KLC1: variants seen among roughly 807,000 people sequenced by gnomAD.
The protein encoded by KLC1 is kinesin 2 60/70kDa.
KLC1 carries 30 observed loss-of-function variants against 84.2 expected under a neutral mutation model. That is an observed-to-expected ratio of 0.36 (90% CI 0.27 to 0.48). KLC1 has a LOEUF of 0.48. Ranked by LOEUF, KLC1 falls within the 20% of genes least tolerant of loss-of-function variation. The probability of loss-of-function intolerance (pLI) is 0.99; values close to 1 mark genes in which losing one functional copy is unlikely to be tolerated. For missense variants in KLC1, 499 were observed against 805.4 expected, an observed-to-expected ratio of 0.62 and a Z score of 4.60; for synonymous variants, 289 against 293.3, an observed-to-expected ratio of 0.99 and a Z score of 0.15.
At position 103,676,274 on chromosome 14, in the gene KLC1, A is replaced by AT. The variant is rs545812311; in HGVS notation, c.1379+529dup. On this transcript the variant is annotated intron_variant, in intron 11 of 16. Transcript: ENST00000334553. ...ACCTGTTTGGCTGTCTTTCCACTCT[A>AT]TTTTTTTTTTTGAGATGGAGTTTCG... is the stretch of plus-strand genomic sequence containing the variant. Among the ~76,000 whole-genome samples the AT allele has an allele frequency of 5.5e-3, 787 of 144,256 alleles. 6 individuals are homozygous for AT. Among genetic ancestry groups the AT allele is most frequent in the Middle Eastern group, 0.022 (6 of 276 alleles). The allele number at this position is 144,256 out of a possible 152,430, so 94.6% of individuals were successfully genotyped here.
chr14:103,696,092 G>GCCCCCCCCCCCCCCC lies in KLC1; in HGVS notation c.1848+3672_1848+3673insCCCCCCCCCCCCCCC, dbSNP rs746987341. The GCCCCCCCCCCCCCCC allele has an allele frequency of 3.3e-5, 25 of 758,958 alleles. 3 individuals are homozygous for GCCCCCCCCCCCCCCC. In the African/African-American group the frequency reaches 5.9e-4, roughly 18 times the overall value. 47.0% of individuals were successfully genotyped at this position (758,958 alleles called of 1,614,324 possible). On this transcript the variant is annotated intron_variant, in intron 15 of 16. Transcript: ENST00000334553. ...GAGTTGCTGTCAAAATAATCACTGC[G>GCCCCCCCCCCCCCCC]CCCCCGCCCCCCGCCCCCCCCCACA...
Position 103,670,339 on chromosome 14 carries a change from GTTTTT to G in KLC1, c.987+68_987+72del, listed in dbSNP as rs772308065. 128 of 845,914 alleles carry G rather than the reference GTTTTT, an allele frequency of 1.5e-4. No individual in the cohort carries two copies. The African/African-American group carries it at 1.5e-3, about 10-fold the overall frequency. 52.4% of individuals were successfully genotyped at this position (845,914 alleles called of 1,614,324 possible). On this transcript the variant is annotated intron_variant, in intron 7 of 16. Transcript: ENST00000334553. ...GAGATTTTTGTTTTGTGTGTGTGTG[GTTTTT>G]TTTTTTTTTTTGAGATGGAGTCTCG...
chr14:103,655,701 C>T (rs1007273092), intron 2 of KLC1, among the ~76,000 whole-genome samples: 20 of 146,582 alleles, frequency 1.4e-4, no homozygotes, highest in African/African-American at 4.5e-4. Context: ...CTCTGTCCCC[C>T]GGGTTCAAGT....
chr14:103,677,466 A>G lies in KLC1; in HGVS notation c.1431A>G (p.Gln477=), dbSNP rs878984023. 2.5e-6 allele frequency: 4 copies of G among 1,614,158 alleles called. No individual in the cohort carries two copies. Among genetic ancestry groups the G allele is most frequent in the Non-Finnish European group, 2.5e-6 (3 of 1,179,994 alleles). The change falls in exon 12 of 17, where the codon CAA becomes CAG. Residue 477 remains glutamine, a synonymous_variant. Transcript: ENST00000334553. ...ACCTTGGGGCACTTTACAGACGTCA[A>G]GGCAAATTTGAAGCTGCAGAAACGT... ...LKNLGALYRR[Q]GKFEAAETLE...
chr14:103,670,695 T>C lies in KLC1; in HGVS notation c.987+412T>C, dbSNP rs79576177. 5.0e-4 allele frequency among the ~76,000 whole-genome samples: 76 copies of C among 152,174 alleles called. No individual in the cohort carries two copies. The East Asian group carries it at 0.013, about 27-fold the overall frequency. ...GTTTTGAGAAATAACCACTGTGATG[T>C]GTTTTTAACTGACTATTAGCTGAAA... On this transcript the variant is annotated intron_variant, in intron 7 of 16. Transcript: ENST00000334553.
chr14:103,699,516 G>A (rs1303525348), intron 15 of KLC1: 10 of 1,613,290 alleles, frequency 6.2e-6, no homozygotes, highest in South Asian at 3.3e-5. Context: ...ACCACCAGGC[G>A]AGCCATGCCC....
Position 103,673,103 on chromosome 14 carries a change from ATAT to A in KLC1, c.1084_1086del (p.Tyr362del). ...ACCAGGGCAAGTATGAAGAAGTAGA[ATAT>A]TATTATCAAAGAGCCCTCGAGATCT... is the stretch of plus-strand genomic sequence containing the variant. On this transcript the variant is annotated inframe_deletion, in exon 8 of 17. Transcript: ENST00000334553. 1 of 1,610,930 alleles carries A rather than the reference ATAT, an allele frequency of 6.2e-7. No individual in the cohort carries two copies. The highest frequency in any genetic ancestry group is 8.5e-7 in the Non-Finnish European group (1 of 1,179,082).
At chr14:103,647,665 C>G (rs1029422477) in intron 1 of KLC1, among the ~76,000 whole-genome samples, 2 of 151,824 alleles carry the variant, frequency 1.3e-5, no homozygotes, top group Non-Finnish European at 2.9e-5. Flanking sequence ...ATCCCAAGGT[C>G]AAGAGATCAA....
chr14:103,646,882 G>T (rs1355125860), intron 1 of KLC1, among the ~76,000 whole-genome samples: 1 of 152,010 alleles, frequency 6.6e-6, no homozygotes, highest in Non-Finnish European at 1.5e-5. Flanking sequence ...AAAGTGCTGG[G>T]GTTACACACA....
chr14:103,645,661 C>T (rs988116299), intron 1 of KLC1, among the ~76,000 whole-genome samples: 10 of 152,178 alleles, frequency 6.6e-5, no homozygotes, highest in Admixed American at 2.0e-4. Context: ...AAAACCCATA[C>T]AGTATGTGGC....
chr14:103,675,463 C>A, intron 9 of KLC1, 89 bp from the exon 10 acceptor site: 1 of 1,085,768 alleles, frequency 9.2e-7, no homozygotes, highest in Non-Finnish European at 1.4e-6. Flanking sequence ...GCCGACTTGA[C>A]ACTCAAAGGA....
Position 103,694,112 on chromosome 14 carries a change from T to G in KLC1, c.1848+1687T>G. ...CGGACACTGGTCAGTGGGAAGTGAA[T>G]TCCTTCCCAGCTGGAGCATCTTCCG... On this transcript the variant is annotated intron_variant, in intron 15 of 16. Transcript: ENST00000334553. This position sits in a 1 kb window ranked among gnomAD's most constrained non-coding sequence, Gnocchi z 4.5. 1.0e-6 allele frequency: 1 copy of G among 985,300 alleles called. No homozygotes were observed. The highest frequency in any genetic ancestry group is 1.2e-6 in the Non-Finnish European group (1 of 829,472). The allele number at this position is 985,300 out of a possible 1,614,324, so 61.0% of individuals were successfully genotyped here.
chr14:103,686,069 C>G (rs2081760691), intron 13 of KLC1: 1 of 1,017,378 alleles, frequency 9.8e-7, no homozygotes, highest in Non-Finnish European at 1.2e-6. Flanking sequence ...GGGGGCCCCG[C>G]TCGGACTCCG....
rs978451956 is a variant in KLC1 at position 103,654,823 on chromosome 14, C to G, written c.259C>G (p.Gln87Glu). 5 of 1,613,578 alleles carry G rather than the reference C, an allele frequency of 3.1e-6. No homozygotes were observed. The highest frequency in any genetic ancestry group is 4.2e-6 in the Non-Finnish European group (5 of 1,179,702). ...EMLELGLSEA[Q>E]VMMALSNHLN... ...GTTGGAGCTCGGCCTGAGTGAGGCACAGGTACGAGTGAGAATGACTCAGAC... is the reference window on the plus strand; with the variant it reads ...GTTGGAGCTCGGCCTGAGTGAGGCAGAGGTACGAGTGAGAATGACTCAGAC... Residue 87 changes from glutamine (Q) to glutamate (E), a missense_variant and splice_region_variant, in exon 2 of 17, where the codon CAG becomes GAG. By Grantham distance (29) the Gln-to-Glu change is conservative. This residue lies in a region of KLC1 where 179 missense variants were observed against 264.2 expected (regional missense o/e 0.68). Coordinates refer to ENST00000334553, the MANE Select transcript of KLC1 (RefSeq NM_001394837.1).
intron 15 of KLC1, chr14:103,699,462 G>C (rs373720646): frequency 1.9e-6 from 3 of 1,612,864 alleles, no homozygotes; most frequent in Middle Eastern, 1.7e-4. Context: ...GCGGAGGCCT[G>C]GCTGTCAAAT....
At chr14:103,685,389 T>C (rs759602476) in intron 13 of KLC1, 5 of 1,204,424 alleles carry the variant, frequency 4.2e-6, no homozygotes, top group Non-Finnish European at 5.2e-6. Flanking sequence ...GCTTAAAGTG[T>C]TGACATTTAC....
intron 1 of KLC1, among the ~76,000 whole-genome samples, chr14:103,645,762 C>T (rs1221633264): frequency 6.9e-6 from 1 of 145,616 alleles, no homozygotes; most frequent in Non-Finnish European, 1.5e-5. Context: ...TGTTACAATC[C>T]TTTTTTTTTT....
Position 103,675,772 on chromosome 14 carries a change from C to A in KLC1, c.1379+16C>A. 1.2e-6 allele frequency: 2 copies of A among 1,611,216 alleles called. No homozygotes were observed. The highest frequency in any genetic ancestry group is 1.7e-6 in the Non-Finnish European group (2 of 1,178,012). On this transcript the variant is annotated intron_variant, in intron 11 of 16. Coordinates refer to ENST00000334553, the MANE Select transcript of KLC1 (RefSeq NM_001394837.1). ...AAGTTGATAGGTATGTCTGGAATTG[C>A]GTTTGGCTGGAAAAACCAAAAAGCA... is the stretch of plus-strand genomic sequence containing the variant.
In KLC1 at chr14:103,694,429, G is replaced by C. The variant is rs1451609452; in HGVS notation, c.1848+2004G>C. On this transcript the variant is annotated intron_variant, in intron 15 of 16. Coordinates refer to ENST00000334553, the MANE Select transcript of KLC1 (RefSeq NM_001394837.1). The surrounding 1 kb of genome is among the most constrained non-coding windows in gnomAD (Gnocchi z 4.5). Reference sequence around the variant, plus strand: ...AGGCGGATCACAAGGTCAGGAGATCGAGACCATCCTGGCTAACATGGCGTT... The same window carrying C: ...AGGCGGATCACAAGGTCAGGAGATCCAGACCATCCTGGCTAACATGGCGTT... 1 of 984,076 alleles carries C rather than the reference G, an allele frequency of 1.0e-6. No homozygotes were observed. The highest frequency in any genetic ancestry group is 1.2e-6 in the Non-Finnish European group (1 of 828,850). 61.0% of individuals were successfully genotyped at this position (984,076 alleles called of 1,614,324 possible). A position where few individuals can be genotyped will look rare whatever the true frequency, so the allele number is the denominator to read the frequency against.
Sources: allele counts gnomAD v4.1 joint callset (sites outside exome capture counted in the v4.1 genomes callset), GRCh38; gene constraint gnomAD v4.1.1; regional missense constraint gnomAD v4.1.1; non-coding constraint Gnocchi (gnomAD v3.1); transcripts MANE v1.5; gene names NCBI Gene and HGNC (gene_info 2026-07-23, HGNC 2026-07-21).